PCMTD1: variants seen among roughly 807,000 people sequenced by gnomAD.
PCMTD1 encodes the protein protein-L-isoaspartate O-methyltransferase domain-containing protein 1.
In PCMTD1, 12 loss-of-function variants were observed where a neutral mutation model predicts 37.6. The observed-to-expected ratio is 0.32, with a 90% CI of 0.20 to 0.52. The LOEUF is 0.52. Among genes scored for constraint, PCMTD1 ranks in the 20% least tolerant of loss-of-function variants. The pLI, the probability that PCMTD1 is intolerant of heterozygous loss-of-function variation, is 0.97. For missense variants in PCMTD1, 235 were observed against 421.3 expected (o/e 0.56, Z 3.87); for synonymous variants, 117 against 135.8 (o/e 0.86, Z 0.96).
intron 1 of PCMTD1, among the ~76,000 whole-genome samples, chr8:51,877,167 G>A (rs896834250): frequency 2.0e-5 from 3 of 152,232 alleles, no homozygotes; most frequent in South Asian, 4.2e-4. Context: ...TGTAGAAAGC[G>A]TACACTCGCC....
At chr8:51,840,422 T>C (rs1205803332) in intron 3 of PCMTD1, among the ~76,000 whole-genome samples, 1 of 152,174 alleles carries the variant, frequency 6.6e-6, no homozygotes, top group Admixed American at 6.5e-5. Context: ...ATGTCTGTCA[T>C]AATTTTAAAA....
intron 1 of PCMTD1, among the ~76,000 whole-genome samples, chr8:51,864,449 C>T (rs2038521568): frequency 6.6e-6 from 1 of 152,002 alleles, no homozygotes; most frequent in Non-Finnish European, 1.5e-5. Context: ...TGAGTATTCC[C>T]CAGGATATAT....
At chr8:51,894,716 T>C (rs1394276432) in intron 1 of PCMTD1, among the ~76,000 whole-genome samples, 2 of 152,050 alleles carry the variant, frequency 1.3e-5, no homozygotes, top group African/African-American at 2.4e-5. Flanking sequence ...TTAATGTCTC[T>C]TGCTGTGTAT....
At chr8:51,859,615 T>C (rs2038442584) in intron 2 of PCMTD1, among the ~76,000 whole-genome samples, 1 of 152,086 alleles carries the variant, frequency 6.6e-6, no homozygotes, top group African/African-American at 2.4e-5. Context: ...CAGACCTGAC[T>C]ATACCTTAAA....
At chr8:51,860,791 C>T (rs2038460541) in intron 2 of PCMTD1, 54 bp downstream of exon 2, 1 of 1,401,168 alleles carries the variant, frequency 7.1e-7, no homozygotes, top group African/African-American at 1.5e-5. Flanking sequence ...AATCATAAAC[C>T]ATAATACAAA....
chr8:51,833,753 T>A, intron 3 of PCMTD1, 64 bp from the exon 4 acceptor site: 2 of 1,377,210 alleles, frequency 1.5e-6, no homozygotes, highest in Non-Finnish European at 1.0e-6. Context: ...AAATTTACCA[T>A]AATCCAGTCC....
At chr8:51,871,487 C>G (rs988649855) in intron 1 of PCMTD1, among the ~76,000 whole-genome samples, 9 of 152,168 alleles carry the variant, frequency 5.9e-5, no homozygotes, top group Admixed American at 1.3e-4. Context: ...TACCAAAACT[C>G]TTTGGTTTAA....
intron 5 of PCMTD1, among the ~76,000 whole-genome samples, chr8:51,822,213 C>T (rs7828579): frequency 1.3e-3 from 202 of 152,178 alleles, no homozygotes; most frequent in African/African-American, 4.5e-3. Flanking sequence ...GTTGGGAGCA[C>T]GAGATCAGCT....
intron 3 of PCMTD1, among the ~76,000 whole-genome samples, chr8:51,843,461 TAC>T (rs1330778252): frequency 3.9e-5 from 6 of 152,072 alleles, no homozygotes; most frequent in African/African-American, 1.4e-4. Flanking sequence ...CATTAAAAAT[TAC>T]AGAGAAACAT....
intron 5 of PCMTD1, chr8:51,827,112 CA>C: frequency 9.9e-7 from 1 of 1,006,238 alleles, no homozygotes. Context: ...TACACACCCA[CA>C]AAAACTTATT....
chr8:51,868,716 A>G (rs7459885), intron 1 of PCMTD1, among the ~76,000 whole-genome samples: 149,690 of 152,264 alleles, frequency 0.98, 73,626 homozygotes, highest in South Asian at 1. Flanking sequence ...AAACCACACC[A>G]AAGAGTTTCA....
At chr8:51,856,794 C>T (rs2038396569) in intron 2 of PCMTD1, among the ~76,000 whole-genome samples, 1 of 152,032 alleles carries the variant, frequency 6.6e-6, no homozygotes, top group African/African-American at 2.4e-5. Flanking sequence ...TATGAAATGT[C>T]CAGAAAGGAC....
chr8:51,884,802 C>T (rs992087060), intron 1 of PCMTD1, among the ~76,000 whole-genome samples: 4 of 152,180 alleles, frequency 2.6e-5, no homozygotes, highest in South Asian at 4.1e-4. Context: ...GGATAGATTT[C>T]TGGCAAATTC....
At chr8:51,823,488 T>C (rs2037877819) in intron 5 of PCMTD1, among the ~76,000 whole-genome samples, 1 of 152,142 alleles carries the variant, frequency 6.6e-6, no homozygotes, top group Non-Finnish European at 1.5e-5. Context: ...AAAAAAGTTC[T>C]TTTGAATGAC....
chr8:51,859,241 CT>C (rs79329433), intron 2 of PCMTD1, among the ~76,000 whole-genome samples: 86 of 143,872 alleles, frequency 6.0e-4, no homozygotes, highest in Admixed American at 7.6e-4. Context: ...ATTCCCCCCT[CT>C]TTTTTTTTTT....
intron 1 of PCMTD1, among the ~76,000 whole-genome samples, chr8:51,880,499 G>A (rs2129291957): frequency 1.3e-5 from 2 of 152,090 alleles, no homozygotes; most frequent in South Asian, 4.2e-4. Context: ...CACCTTTATT[G>A]GGAACTCTAG....
chr8:51,867,710 A>G (rs546794888), intron 1 of PCMTD1, among the ~76,000 whole-genome samples: 9 of 152,190 alleles, frequency 5.9e-5, no homozygotes, highest in African/African-American at 1.9e-4. Flanking sequence ...GACATAAGAC[A>G]GGCATGGAAA....
intron 3 of PCMTD1, among the ~76,000 whole-genome samples, chr8:51,843,783 G>A (rs1563342709): frequency 6.6e-6 from 1 of 152,078 alleles, no homozygotes; most frequent in East Asian, 1.9e-4. Context: ...ACAGACACTT[G>A]CACAGAGTTG....
At chr8:51,858,257 T>G (rs550381116) in intron 2 of PCMTD1, among the ~76,000 whole-genome samples, 1 of 152,220 alleles carries the variant, frequency 6.6e-6, no homozygotes, top group Admixed American at 6.5e-5. Context: ...TCTCCCTGCT[T>G]TGGCCGGGAC....
Sources: gnomAD v4.1 joint callset for allele counts (sites outside exome capture counted in the v4.1 genomes callset) on GRCh38, gnomAD v4.1.1 for gene constraint, MANE v1.5 for transcripts, NCBI Gene and HGNC (gene_info 2026-07-23, HGNC 2026-07-21) for gene names.